The following FAM185A variants were observed in gnomAD, a reference collection of about 807,000 sequenced individuals.
FAM185A encodes protein FAM185A.
In FAM185A, 21 loss-of-function variants were observed where a neutral mutation model predicts 45.7. That is an observed-to-expected ratio of 0.46 (90% CI 0.33 to 0.66). The LOEUF (loss-of-function observed/expected upper bound fraction) is 0.66. Among genes scored for constraint, FAM185A ranks in the 30% least tolerant of loss-of-function variants. The pLI is 0.03. For synonymous variants in FAM185A, 117 were observed against 194.0 expected (o/e 0.60, Z 3.30); for missense variants, 305 against 485.4 (o/e 0.63, Z 3.49).
At chr7:102,827,057 A>G in the FAM185A span, 3 of 420,542 alleles carry the variant, frequency 7.1e-6, no homozygotes, top group South Asian at 3.2e-5. Context: ...CACCTCTTGA[A>G]TCTAAACTAA....
chr7:102,825,849 T>C, the FAM185A span, among the ~76,000 whole-genome samples: 1 of 152,244 alleles, frequency 6.6e-6, no homozygotes, highest in Non-Finnish European at 1.5e-5. Flanking sequence ...TCCCCAGCTC[T>C]GGCACTATTT....
At chr7:102,828,773 T>C in the FAM185A span, among the ~76,000 whole-genome samples, 1 of 152,222 alleles carries the variant, frequency 6.6e-6, no homozygotes, top group Non-Finnish European at 1.5e-5. Context: ...ATTCTGTGCA[T>C]GCCCTGGGGA....
At chr7:102,778,423 A>G (rs1795203650) in intron 6 of FAM185A, among the ~76,000 whole-genome samples, 1 of 152,308 alleles carries the variant, frequency 6.6e-6, no homozygotes, top group South Asian at 2.1e-4. Context: ...ACAAAGATCC[A>G]AAGAGAAGAG....
the FAM185A span, among the ~76,000 whole-genome samples, chr7:102,834,270 A>C: frequency 7.3e-5 from 11 of 150,694 alleles, no homozygotes; most frequent in African/African-American, 2.7e-4. Flanking sequence ...CTCTTAGAAT[A>C]CAAAGTTAGA....
At chr7:102,805,255 C>T (rs1319891433) in intron 7 of FAM185A, among the ~76,000 whole-genome samples, 2 of 152,118 alleles carry the variant, frequency 1.3e-5, no homozygotes, top group Non-Finnish European at 2.9e-5. Flanking sequence ...GCACAATTTG[C>T]AATTGCAAAA....
In FAM185A at chr7:102,787,519, A is replaced by G. The variant is rs57783515; in HGVS notation, c.1066+50A>G. 98,580 of 1,361,114 alleles carry G rather than the reference A, an allele frequency of 0.072. 3,737 individuals carry two copies. Among genetic ancestry groups the G allele is most frequent in the South Asian group, 0.17 (8,496 of 50,808 alleles). 84.3% of individuals were successfully genotyped at this position (1,361,114 alleles called of 1,614,324 possible). A position where few individuals can be genotyped will look rare whatever the true frequency, so the allele number is the denominator to read the frequency against. ...TCAGATGAATAGCCATTCTCCATACATAAGTAGAAATGTGGTACACTTAAC... is the reference window on the plus strand; with the variant it reads ...TCAGATGAATAGCCATTCTCCATACGTAAGTAGAAATGTGGTACACTTAAC... On this transcript the variant is annotated intron_variant, in intron 7 of 7. Transcript: ENST00000413034.
At chr7:102,780,082 AAC>A (rs1413669269) in intron 6 of FAM185A, among the ~76,000 whole-genome samples, 1 of 152,050 alleles carries the variant, frequency 6.6e-6, no homozygotes, top group Non-Finnish European at 1.5e-5. Flanking sequence ...TTTAGAATAG[AAC>A]AGTTTGTCAT....
At chr7:102,779,524 A>C (rs370029571) in intron 6 of FAM185A, among the ~76,000 whole-genome samples, 12 of 152,220 alleles carry the variant, frequency 7.9e-5, no homozygotes, top group African/African-American at 2.4e-4. Context: ...AAGTTTTTAA[A>C]TCCATGATTT....
chr7:102,825,673 C>A, the FAM185A span, among the ~76,000 whole-genome samples: 1 of 152,100 alleles, frequency 6.6e-6, no homozygotes, highest in Admixed American at 6.5e-5. Flanking sequence ...AATATAAGGA[C>A]CAGTTTCACT....
the FAM185A span, among the ~76,000 whole-genome samples, chr7:102,830,606 C>T: frequency 3.3e-5 from 5 of 152,166 alleles, no homozygotes; most frequent in East Asian, 1.9e-4. Flanking sequence ...AGTTTTGTCA[C>T]GGTTTACCAC....
At chr7:102,843,612 G>A in the FAM185A span, among the ~76,000 whole-genome samples, 5 of 151,396 alleles carry the variant, frequency 3.3e-5, no homozygotes, top group African/African-American at 4.9e-5. Context: ...CCGTCTCTAC[G>A]AAAAATACAA....
At chr7:102,842,594 A>C in the FAM185A span, among the ~76,000 whole-genome samples, 1 of 152,254 alleles carries the variant, frequency 6.6e-6, no homozygotes, top group Admixed American at 6.5e-5. Flanking sequence ...ACTGGAGAAT[A>C]ATCCAGTTCT....
At chr7:102,830,767 G>T in the FAM185A span, among the ~76,000 whole-genome samples, 5 of 152,188 alleles carry the variant, frequency 3.3e-5, no homozygotes, top group African/African-American at 1.2e-4. Flanking sequence ...AGCCTTCAGT[G>T]TGTACAATAG....
intron 7 of FAM185A, among the ~76,000 whole-genome samples, chr7:102,800,918 G>A (rs927972689): frequency 2.0e-5 from 3 of 152,140 alleles, no homozygotes; most frequent in Admixed American, 6.5e-5. Flanking sequence ...AGATCTTCTC[G>A]TAGGCACATT....
chr7:102,787,651 A>G (rs1795889837), intron 7 of FAM185A, among the ~76,000 whole-genome samples, 182 bp downstream of exon 7: 1 of 152,244 alleles, frequency 6.6e-6, no homozygotes, highest in African/African-American at 2.4e-5. Context: ...TTTGTTTAAA[A>G]AGACCTCATT....
chr7:102,761,235 T>C lies in FAM185A; in HGVS notation c.655-38T>C, dbSNP rs1182736195. The C allele has an allele frequency of 2.4e-5, 36 of 1,496,028 alleles. No individual in the cohort carries two copies. The Admixed American group carries it at 5.8e-4, about 24-fold the overall frequency. The allele number at this position is 1,496,028 out of a possible 1,614,324, so 92.7% of individuals were successfully genotyped here. On this transcript the variant is annotated intron_variant, in intron 3 of 7. Transcript: ENST00000413034. ...TAGCATTTTGGCTTTTTACCAGTCT[T>C]TGTTTTATAATGAACTGATTAGTCT...
chr7:102,762,535 A>G (rs1794171630), intron 4 of FAM185A, among the ~76,000 whole-genome samples: 3 of 152,186 alleles, frequency 2.0e-5, no homozygotes, highest in East Asian at 1.9e-4. Flanking sequence ...TTTCACCTCT[A>G]TAGTAAAGCT....
At chr7:102,836,630 A>G in the FAM185A span, among the ~76,000 whole-genome samples, 26 of 152,318 alleles carry the variant, frequency 1.7e-4, 1 homozygote, top group South Asian at 1.7e-3. Flanking sequence ...GTATCAGCCA[A>G]TTTTGCTGTG....
At chr7:102,831,107 A>G in the FAM185A span, among the ~76,000 whole-genome samples, 1 of 152,184 alleles carries the variant, frequency 6.6e-6, no homozygotes, top group African/African-American at 2.4e-5. Context: ...GGGTTCCCAG[A>G]GAAGAGGCTA....
Sources: gnomAD v4.1 joint callset for allele counts (sites outside exome capture counted in the v4.1 genomes callset) on GRCh38, gnomAD v4.1.1 for gene constraint, MANE v1.5 for transcripts, NCBI Gene and HGNC (gene_info 2026-07-23, HGNC 2026-07-21) for gene names.